The following TEAD4 variants were observed in gnomAD, a reference collection of about 807,000 sequenced individuals.
The protein encoded by TEAD4 is TEA domain transcription factor 4, also known as transcriptional enhancer factor TEF-3.
Under a neutral mutation model 52.4 loss-of-function variants are expected in TEAD4, and 36 were observed. That is an observed-to-expected ratio of 0.69 (90% CI 0.53 to 0.91). The LOEUF (loss-of-function observed/expected upper bound fraction) is 0.91. Ranked by LOEUF, TEAD4 falls within the 40% of genes least tolerant of loss-of-function variation. TEAD4 has a pLI of 0.00. For synonymous variants in TEAD4, 220 were observed against 231.0 expected (o/e 0.95, Z 0.43); for missense variants, 508 against 583.9 (o/e 0.87, Z 1.34).
At chr12:3,018,492 GGGC>G (rs2098266222) in intron 6 of TEAD4, 50 bp from the exon 7 acceptor site, 1 of 1,609,852 alleles carries the variant, frequency 6.2e-7, no homozygotes, top group Non-Finnish European at 8.5e-7. Flanking sequence ...CCACACCACA[GGGC>G]CCCGGGTGCA....
Position 2,968,310 on chromosome 12 carries a change from T to C in TEAD4, c.-30+8270T>C, listed in dbSNP as rs547487842. On this transcript the variant is annotated intron_variant, in intron 2 of 12. Transcript: ENST00000359864. ...CATGTTGGCCAGGCTGGTCTCGAAC[T>C]CCCGACCTCAGGTGATCTGCCCACC... Among the ~76,000 whole-genome samples, 29 of 147,556 alleles carry C rather than the reference T, an allele frequency of 2.0e-4. No homozygotes were observed. In the South Asian group the frequency reaches 5.2e-3, roughly 26 times the overall value.
chr12:3,037,036 G>A (rs1336514910), intron 10 of TEAD4, among the ~76,000 whole-genome samples: 2 of 152,166 alleles, frequency 1.3e-5, no homozygotes, highest in Admixed American at 6.5e-5. Flanking sequence ...GTCTTACTCC[G>A]CCTTTTCTAG....
intron 10 of TEAD4, among the ~76,000 whole-genome samples, chr12:3,025,070 G>A (rs957588906): frequency 3.3e-5 from 5 of 151,626 alleles, no homozygotes; most frequent in African/African-American, 7.3e-5. Flanking sequence ...TCAGCCTCCC[G>A]AGTAGCTGGG....
In TEAD4 at chr12:3,038,077, C is replaced by T; in HGVS notation, c.1007C>T (p.Ser336Phe). Residue 336 changes from serine (S) to phenylalanine (F), a missense_variant, in exon 11 of 13, where the codon TCT becomes TTT. Coordinates refer to ENST00000359864, the MANE Select transcript of TEAD4 (RefSeq NM_003213.4). ...ATCACCTGCTCCACGAAGGTCTGCT[C>T]TTTCGGCAAGCAGGTGGTGGAGAAA... 6.2e-7 allele frequency: 1 copy of T among 1,613,610 alleles called. No individual in the cohort carries two copies.
At chr12:3,022,307 C>A (rs1039326594) in intron 10 of TEAD4, among the ~76,000 whole-genome samples, 1 of 151,916 alleles carries the variant, frequency 6.6e-6, no homozygotes, top group African/African-American at 2.4e-5. Context: ...AGGTGTAGTT[C>A]CAGAAAAAGA....
chr12:3,004,422 A>C (rs1206136492), intron 3 of TEAD4, among the ~76,000 whole-genome samples: 1 of 152,150 alleles, frequency 6.6e-6, no homozygotes, highest in Non-Finnish European at 1.5e-5. Context: ...TCATCAGGCT[A>C]AACAGGACCT....
Position 3,040,356 on chromosome 12 carries a change from C to G in TEAD4, c.1192-9C>G. 2.5e-6 allele frequency: 4 copies of G among 1,614,168 alleles called. No homozygotes were observed. Among genetic ancestry groups the G allele is most frequent in the Non-Finnish European group, 3.4e-6 (4 of 1,180,008 alleles). On this transcript the variant is annotated splice_polypyrimidine_tract_variant and intron_variant, in intron 12 of 12. Coordinates refer to ENST00000359864, the MANE Select transcript of TEAD4 (RefSeq NM_003213.4). ...GCCTTATTAACCCTTGTCTTTTTCTCTCCCACAGGTGGTCACCAACAGAGA... is the reference window on the plus strand; with the variant it reads ...GCCTTATTAACCCTTGTCTTTTTCTGTCCCACAGGTGGTCACCAACAGAGA...
intron 8 of TEAD4, among the ~76,000 whole-genome samples, chr12:3,020,363 C>T (rs2098267802): frequency 7.4e-6 from 1 of 134,316 alleles, no homozygotes; most frequent in Non-Finnish European, 1.7e-5. Flanking sequence ...CAGCTGCCCT[C>T]CAGAATCCAG....
At chr12:3,024,357 G>T (rs952828856) in intron 10 of TEAD4, among the ~76,000 whole-genome samples, 2 of 152,170 alleles carry the variant, frequency 1.3e-5, no homozygotes, top group African/African-American at 4.8e-5. Context: ...CACATTTTTT[G>T]ACAATGTAGA....
rs113007435 is a variant in TEAD4, at chr12:3,017,540, C to G, written c.483+14C>G. The G allele has an allele frequency of 2.5e-6, 4 of 1,609,052 alleles. No individual in the cohort carries two copies. In the African/African-American group the frequency reaches 5.4e-5, roughly 22 times the overall value. The stretch of plus-strand genomic sequence containing the variant: ...GCAGTCTCAGGGGTAAGTGGGCTGC[C>G]GAGAGCTGGAGGCCAGGCCAGCCCT... On this transcript the variant is annotated intron_variant, in intron 6 of 12. Transcript: ENST00000359864.
chr12:3,032,387 G>A (rs573985409), intron 10 of TEAD4, among the ~76,000 whole-genome samples: 76 of 152,272 alleles, frequency 5.0e-4, no homozygotes, highest in African/African-American at 1.8e-3. Context: ...AGGATCCAGC[G>A]CGAGTCTCGG....
At chr12:3,020,259 T>C (rs933421) in intron 8 of TEAD4, among the ~76,000 whole-genome samples, 139,724 of 152,260 alleles carry the variant, frequency 0.92, 64,978 homozygotes, top group East Asian at 1. Context: ...TAATAGTGGA[T>C]TCATCTGGTT....
At chr12:3,017,357 A>G (rs372335466) in intron 5 of TEAD4, 41 bp from the exon 6 acceptor site, 8 of 1,613,218 alleles carry the variant, frequency 5.0e-6, no homozygotes, top group Middle Eastern at 1.7e-4. Context: ...CAGCCTGACT[A>G]GTGACCCTGC....
intron 3 of TEAD4, among the ~76,000 whole-genome samples, chr12:3,010,171 G>T (rs908326663): frequency 2.0e-5 from 3 of 152,352 alleles, no homozygotes; most frequent in Middle Eastern, 3.4e-3. Flanking sequence ...GCCCGAACTG[G>T]CCCCCGGTCC....
chr12:2,978,553 G>A (rs573082331), intron 2 of TEAD4, among the ~76,000 whole-genome samples: 9 of 151,892 alleles, frequency 5.9e-5, no homozygotes, highest in Admixed American at 2.6e-4. Flanking sequence ...ATAGGCCTGC[G>A]CCACCGCCCC....
At chr12:3,004,354 T>G (rs2098254164) in intron 3 of TEAD4, among the ~76,000 whole-genome samples, 1 of 152,196 alleles carries the variant, frequency 6.6e-6, no homozygotes, top group Non-Finnish European at 1.5e-5. Flanking sequence ...CCTGGGACAC[T>G]AGCAAGCCAT....
intron 2 of TEAD4, among the ~76,000 whole-genome samples, chr12:2,961,194 A>C (rs889054758): frequency 5.3e-5 from 8 of 152,172 alleles, no homozygotes; most frequent in Non-Finnish European, 1.0e-4. Context: ...AAGGACAAAC[A>C]GGGAGGTATA....
chr12:3,027,969 C>T (rs560253605), intron 10 of TEAD4, among the ~76,000 whole-genome samples: 29 of 152,292 alleles, frequency 1.9e-4, no homozygotes, highest in Admixed American at 1.1e-3. Context: ...CGAAAATAAG[C>T]CCTGTTCCCT....
intron 3 of TEAD4, among the ~76,000 whole-genome samples, chr12:3,004,907 C>T (rs1379567374): frequency 6.6e-6 from 1 of 152,172 alleles, no homozygotes; most frequent in South Asian, 2.1e-4. Context: ...GTCCCCTTGG[C>T]TCACACACCC....
Sources: gnomAD v4.1 joint callset for allele counts (sites outside exome capture counted in the v4.1 genomes callset) on GRCh38, gnomAD v4.1.1 for gene constraint, MANE v1.5 for transcripts, NCBI Gene and HGNC (gene_info 2026-07-23, HGNC 2026-07-21) for gene names.